Variants in ODF1 observed in about 807,000 individuals in gnomAD.
ODF1 encodes the protein outer dense fiber of sperm tails 1.
A neutral mutation model predicts 24.0 loss-of-function variants in ODF1; 10 were observed. The ratio of observed to expected loss-of-function variants is 0.42; its 90% confidence interval spans 0.26 to 0.71. The LOEUF (loss-of-function observed/expected upper bound fraction) is 0.71. Among genes scored for constraint, ODF1 ranks in the 30% least tolerant of loss-of-function variants. ODF1 has a pLI of 0.28. For synonymous variants in ODF1, 118 were observed against 121.3 expected (o/e 0.97, Z 0.18); for missense variants, 282 against 307.9 (o/e 0.92, Z 0.63).
At chr8:102,556,293 G>A (rs559517870) in intron 1 of ODF1, among the ~76,000 whole-genome samples, 2 of 152,278 alleles carry the variant, frequency 1.3e-5, no homozygotes, top group East Asian at 3.9e-4. Context: ...TCGTAGTGTG[G>A]CCCCTGAAGC....
Position 102,558,982 on chromosome 8 carries a change from C to T in ODF1, c.321-1470C>T, listed in dbSNP as rs563036773. Among the ~76,000 whole-genome samples the T allele has an allele frequency of 2.0e-5, 3 of 149,604 alleles. No individual in the cohort carries two copies. The South Asian group carries it at 6.3e-4, about 31-fold the overall frequency. On this transcript the variant is annotated intron_variant, in intron 1 of 1. Coordinates refer to ENST00000285402, the MANE Select transcript of ODF1 (RefSeq NM_024410.4). ...TATAGTGATAATTACATCTGCATCA[C>T]AGTTATTATTGTAAAGATTAAATGA...
At chr8:102,554,898 C>A in intron 1 of ODF1, among the ~76,000 whole-genome samples, 1 of 152,006 alleles carries the variant, frequency 6.6e-6, no homozygotes, top group East Asian at 1.9e-4. Context: ...GTCAGGACTG[C>A]GGTAAGCCAT....
At chr8:102,554,715 G>A (rs956884517) in intron 1 of ODF1, among the ~76,000 whole-genome samples, 13 of 152,324 alleles carry the variant, frequency 8.5e-5, no homozygotes, top group Admixed American at 6.5e-5. Context: ...CACTTTGGGA[G>A]GCTGTAATAG....
At chr8:102,559,609 A>G (rs1314975595) in intron 1 of ODF1, among the ~76,000 whole-genome samples, 1 of 151,596 alleles carries the variant, frequency 6.6e-6, no homozygotes. Flanking sequence ...GTATCTGATC[A>G]ACACGGCCCC....
intron 1 of ODF1, among the ~76,000 whole-genome samples, chr8:102,556,413 T>C (rs893685168): frequency 8.1e-5 from 8 of 98,920 alleles, no homozygotes; most frequent in Non-Finnish European, 1.3e-4. Flanking sequence ...AAGCCACCTG[T>C]GTTTTTTGTT....
rs1456988881 is a variant in ODF1 at position 102,560,866 on chromosome 8, T to G, written c.735T>G (p.Cys245Trp). Reference protein sequence around the residue: ...PCYPCGSRFSCRKMIL With the variant: ...PCYPCGSRFSWRKMIL The stretch of plus-strand genomic sequence containing the variant: ...ATCCCTGTGGAAGCCGATTTTCCTG[T>G]AGGAAGATGATTTTGTAAAGTGCGC... The change falls in exon 2 of 2, where the codon TGT becomes TGG. Residue 245 changes from cysteine (C) to tryptophan (W), a missense_variant. Cys to Trp is a radical substitution (Grantham distance 215). Coordinates refer to ENST00000285402, the MANE Select transcript of ODF1 (RefSeq NM_024410.4). 1 of 1,611,048 alleles carries G rather than the reference T, an allele frequency of 6.2e-7. No individual in the cohort carries two copies. Among genetic ancestry groups the G allele is most frequent in the South Asian group, 1.1e-5 (1 of 90,830 alleles).
chr8:102,559,486 T>C (rs1826152176), intron 1 of ODF1, among the ~76,000 whole-genome samples: 1 of 151,684 alleles, frequency 6.6e-6, no homozygotes, highest in Non-Finnish European at 1.5e-5. Flanking sequence ...TGACTATGAT[T>C]GATTTCAAGC....
intron 1 of ODF1, among the ~76,000 whole-genome samples, chr8:102,553,749 C>A (rs1487137293): frequency 1.3e-5 from 2 of 152,226 alleles, no homozygotes; most frequent in East Asian, 3.8e-4. Flanking sequence ...TCTCTTGATG[C>A]CTCTTTCAGA....
At chr8:102,559,498 A>G (rs186445708) in intron 1 of ODF1, among the ~76,000 whole-genome samples, 58 of 151,766 alleles carry the variant, frequency 3.8e-4, no homozygotes, top group Non-Finnish European at 5.6e-4. Context: ...ATTTCAAGCT[A>G]TCAGCGTGCA....
intron 1 of ODF1, among the ~76,000 whole-genome samples, chr8:102,559,937 TA>T (rs1369145512): frequency 6.6e-6 from 1 of 150,660 alleles, no homozygotes; most frequent in Non-Finnish European, 1.5e-5. Context: ...AATTTTTATA[TA>T]ATTTAATTAT....
At position 102,560,139 on chromosome 8, in the gene ODF1, G is replaced by A. The variant is rs185900529; in HGVS notation, c.321-313G>A. 2.1e-3 allele frequency among the ~76,000 whole-genome samples: 318 copies of A among 151,366 alleles called. 4 individuals are homozygous for A. The highest frequency in any genetic ancestry group is 1.0e-3 in the Non-Finnish European group (69 of 68,002). ...TCCATTTTGCAGATGAGGAAACTGA[G>A]GTACAGAAGGGTTAAGGAACCTACA... On this transcript the variant is annotated intron_variant, in intron 1 of 1. Transcript: ENST00000285402.
intron 1 of ODF1, among the ~76,000 whole-genome samples, chr8:102,554,994 A>G (rs1429155571): frequency 6.6e-6 from 1 of 151,974 alleles, no homozygotes; most frequent in Non-Finnish European, 1.5e-5. Flanking sequence ...AATCCAATCC[A>G]TTTCCATTCT....
intron 1 of ODF1, among the ~76,000 whole-genome samples, chr8:102,553,706 A>G (rs2511760): frequency 0.59 from 89,963 of 151,962 alleles, 27,382 homozygotes; most frequent in Middle Eastern, 0.72. Flanking sequence ...AGACTCTACC[A>G]ATTAAAATCC....
rs1563940574 is a variant in ODF1 at position 102,560,819 on chromosome 8, T to TA, written c.689dup (p.Tyr230Ter). 3 of 1,612,714 alleles carry TA rather than the reference T, an allele frequency of 1.9e-6. No homozygotes were observed. The highest frequency in any genetic ancestry group is 2.5e-6 in the Non-Finnish European group (3 of 1,179,248). Residue 230 changes from tyrosine (Y) to a stop codon, truncating the protein, a stop_gained and frameshift_variant, in exon 2 of 2, where the codon TAT becomes TAAT. Transcript: ENST00000285402. LOFTEE classifies it high-confidence loss of function. ...CAGCCCCTGCAACCCGTGCAGCCCA[T>TA]ATGATCCTTGCAACCCGTGTTATCC... ...PCSPCNPCSP[Y>*]DPCNPCYPCG...
In ODF1 at chr8:102,551,864, G is replaced by T. The variant is rs1247658131; in HGVS notation, c.137G>T (p.Cys46Phe). Residue 46 changes from cysteine to phenylalanine, a missense_variant, in exon 1 of 2, where the codon TGC (cysteine) becomes TTC (phenylalanine). Physicochemically the swap from Cys to Phe is radical, Grantham distance 205. Coordinates refer to ENST00000285402, the MANE Select transcript of ODF1 (RefSeq NM_024410.4). ...LCDLYMHPYC[C>F]CDLHPYPYCL... ...GACTTGTATATGCACCCCTATTGCT[G>T]CTGTGACTTGCACCCATATCCGTAC... The T allele has an allele frequency of 6.2e-7, 1 of 1,614,022 alleles. No homozygotes were observed. The highest frequency in any genetic ancestry group is 8.5e-7 in the Non-Finnish European group (1 of 1,180,044).
chr8:102,556,826 T>A (rs1326965669), intron 1 of ODF1, among the ~76,000 whole-genome samples: 1 of 152,174 alleles, frequency 6.6e-6, no homozygotes, highest in Admixed American at 6.6e-5. Context: ...AATGGGTCTT[T>A]GGGATGGGGC....
intron 1 of ODF1, among the ~76,000 whole-genome samples, chr8:102,553,841 T>C (rs969863635): frequency 6.6e-6 from 1 of 152,232 alleles, no homozygotes; most frequent in East Asian, 1.9e-4. Flanking sequence ...TAATGTTTTC[T>C]CTGGTTTGTG....
At chr8:102,555,497 T>C (rs2131029990) in intron 1 of ODF1, among the ~76,000 whole-genome samples, 1 of 152,286 alleles carries the variant, frequency 6.6e-6, no homozygotes, top group South Asian at 2.1e-4. Context: ...AGTGAAAAAT[T>C]CCCTTGAAAT....
At chr8:102,555,851 G>A (rs7007460) in intron 1 of ODF1, among the ~76,000 whole-genome samples, 1,896 of 152,250 alleles carry the variant, frequency 0.012, 32 homozygotes, top group African/African-American at 0.042. Flanking sequence ...GAAGTGAGTT[G>A]GGCCCTTGGC....
Sources: gnomAD v4.1 joint callset for allele counts (sites outside exome capture counted in the v4.1 genomes callset) on GRCh38, gnomAD v4.1.1 for gene constraint, MANE v1.5 for transcripts, NCBI Gene and HGNC (gene_info 2026-07-23, HGNC 2026-07-21) for gene names.